Variants in DVL3 observed in about 807,000 individuals in gnomAD.
DVL3 encodes segment polarity protein dishevelled homolog DVL-3.
DVL3 carries 27 observed loss-of-function variants against 67.4 expected under a neutral mutation model. The ratio of observed to expected loss-of-function variants is 0.40; its 90% CI spans 0.30 to 0.55. DVL3 has a LOEUF of 0.55. DVL3 is among the 20% of genes least tolerant of loss of function. The pLI is 0.46. For synonymous variants in DVL3, 369 were observed against 396.8 expected, an observed-to-expected ratio of 0.93 and a Z score of 0.83; for missense variants, 819 against 1,021.5, an observed-to-expected ratio of 0.80 and a Z score of 2.70.
intron 1 of DVL3, chr3:184,156,827 G>A (rs185769324): frequency 1.0e-3 from 283 of 273,710 alleles, no homozygotes; most frequent in African/African-American, 6.0e-3. Flanking sequence ...GGTGGGGAAG[G>A]CCCCTCCAGG....
In DVL3 at chr3:184,165,234, G is replaced by A. The variant is rs201301351; in HGVS notation, c.693+28G>A. 8 of 1,569,830 alleles carry A rather than the reference G, an allele frequency of 5.1e-6. No individual in the cohort carries two copies. On this transcript the variant is annotated intron_variant, in intron 6 of 14. Transcript: ENST00000313143. The surrounding 1 kb of genome is among the most constrained non-coding windows in gnomAD (Gnocchi z 4.1). Reference sequence around the variant, plus strand: ...ATGGGGTCTGGGAGGCTAGGGATGGGTGGAGGCAGATTGTGAGCCCTTCCT... The same window carrying A: ...ATGGGGTCTGGGAGGCTAGGGATGGATGGAGGCAGATTGTGAGCCCTTCCT...
chr3:184,170,274 C>G lies in DVL3; in HGVS notation c.1715-45C>G. The G allele has an allele frequency of 6.3e-7, 1 of 1,596,368 alleles. No individual in the cohort carries two copies. The highest frequency in any genetic ancestry group is 8.5e-7 in the Non-Finnish European group (1 of 1,171,040). Reference sequence around the variant, plus strand: ...CTATAGGTGGGCCCCAGGCTTCCCCCGCCCGCTCAGCCTGCCCCACCCCGG... The same window carrying G: ...CTATAGGTGGGCCCCAGGCTTCCCCGGCCCGCTCAGCCTGCCCCACCCCGG... On this transcript the variant is annotated intron_variant, in intron 14 of 14. Coordinates refer to ENST00000313143, the MANE Select transcript of DVL3 (RefSeq NM_004423.4). The surrounding 1 kb of genome is among the most constrained non-coding windows in gnomAD (Gnocchi z 6.5).
rs1393353653 is a variant in DVL3, at chr3:184,166,999, G to A, written c.1198+24G>A. On this transcript the variant is annotated intron_variant, in intron 11 of 14. Coordinates refer to ENST00000313143, the MANE Select transcript of DVL3 (RefSeq NM_004423.4). This position sits in a 1 kb window ranked among gnomAD's most constrained non-coding sequence, Gnocchi z 6.7. ...GCGTGAGTGTCCCACCCTGTCTCCT[G>A]GGCCCAGCAGACAGGGCCAGGTGGG... 1 of 1,612,240 alleles carries A rather than the reference G, an allele frequency of 6.2e-7. No individual in the cohort carries two copies. Among genetic ancestry groups the A allele is most frequent in the Non-Finnish European group, 8.5e-7 (1 of 1,178,924 alleles).
At chr3:184,162,560 C>CTTTTTTTT (rs35869796) in intron 1 of DVL3, among the ~76,000 whole-genome samples, 15 of 123,540 alleles carry the variant, frequency 1.2e-4, no homozygotes, top group East Asian at 2.3e-4. Flanking sequence ...TTTTTCTTTT[C>CTTTTTTTT]TTTTTTTTTT....
intron 1 of DVL3, chr3:184,156,680 G>T: frequency 2.9e-6 from 1 of 341,152 alleles, no homozygotes; most frequent in Non-Finnish European, 5.8e-6. Flanking sequence ...GAGCCGGAAG[G>T]TTCTGAAGCA....
intron 1 of DVL3, chr3:184,156,732 C>T (rs1170339839): frequency 3.3e-6 from 1 of 302,012 alleles, no homozygotes; most frequent in Admixed American, 4.4e-5. Context: ...CCCCCTCGAA[C>T]CCCCCCAACT....
chr3:184,163,514 C>T lies in DVL3; in HGVS notation c.162-143C>T, dbSNP rs796800880. 1.5e-4 allele frequency: 123 copies of T among 826,042 alleles called. 1 individual carries two copies. In the African/African-American group the frequency reaches 1.5e-3, roughly 10 times the overall value. 51.2% of individuals were successfully genotyped at this position (826,042 alleles called of 1,614,324 possible). A position where few individuals can be genotyped will look rare whatever the true frequency, so the allele number is the denominator to read the frequency against. ...TGCCAAAGAGCTGTCTCTGGGTCTC[C>T]CCAACCTCTGCTTTCATTTGAACAG... On this transcript the variant is annotated intron_variant, in intron 1 of 14. Coordinates refer to ENST00000313143, the MANE Select transcript of DVL3 (RefSeq NM_004423.4). The surrounding 1 kb of genome is among the most constrained non-coding windows in gnomAD (Gnocchi z 4.5).
chr3:184,173,000 CCTTT>C lies in DVL3; in HGVS notation c.*2248_*2251del, dbSNP rs1244854143. The C allele has an allele frequency of 1.3e-5, 2 of 152,292 alleles. No homozygotes were observed. The highest frequency in any genetic ancestry group is 3.8e-4 in the East Asian group (2 of 5,200). 9.4% of individuals were successfully genotyped at this position (152,292 alleles called of 1,614,324 possible). ...TTCCATCTTTGATTCACTTCTCTTT[CCTTT>C]CTATTTACTCCCAAAATGGAGTCAT... On this transcript the variant is annotated 3_prime_UTR_variant, in exon 15 of 15. Coordinates refer to ENST00000313143, the MANE Select transcript of DVL3 (RefSeq NM_004423.4).
At position 184,166,026 on chromosome 3, in the gene DVL3, C is replaced by T. The variant is rs1714570587; in HGVS notation, c.764-100C>T. On this transcript the variant is annotated intron_variant, in intron 7 of 14. Transcript: ENST00000313143. The surrounding 1 kb of genome is among the most constrained non-coding windows in gnomAD (Gnocchi z 6.7). ...AGTGCAGTGCCTGATTCAGGATCAG[C>T]AAATGTCAGTTCAGTTCCTGTCCCT... 4 of 1,423,268 alleles carry T rather than the reference C, an allele frequency of 2.8e-6. No homozygotes were observed. The Admixed American group carries it at 6.4e-5, about 23-fold the overall frequency. 88.2% of individuals were successfully genotyped at this position (1,423,268 alleles called of 1,614,324 possible). A position where few individuals can be genotyped will look rare whatever the true frequency, so the allele number is the denominator to read the frequency against.
Position 184,165,220 on chromosome 3 carries a change from G to A in DVL3, c.693+14G>A. On this transcript the variant is annotated intron_variant, in intron 6 of 14. Transcript: ENST00000313143. The surrounding 1 kb of genome is among the most constrained non-coding windows in gnomAD (Gnocchi z 4.1). ...CGGATTGAGCGGGTATGGGGTCTGG[G>A]AGGCTAGGGATGGGTGGAGGCAGAT... 1 of 1,577,682 alleles carries A rather than the reference G, an allele frequency of 6.3e-7. No homozygotes were observed. Among genetic ancestry groups the A allele is most frequent in the Non-Finnish European group, 8.6e-7 (1 of 1,160,816 alleles).
chr3:184,164,455 A>C lies in DVL3; in HGVS notation c.354-37A>C. On this transcript the variant is annotated intron_variant, in intron 3 of 14. Transcript: ENST00000313143. This position sits in a 1 kb window ranked among gnomAD's most constrained non-coding sequence, Gnocchi z 5.3. ...CCCAGGGCTGGGGGAGGGAGCCCCC[A>C]GCCTGCCCCCTCCCCCATCAAGTCT... The C allele has an allele frequency of 6.3e-7, 1 of 1,598,738 alleles. No individual in the cohort carries two copies. The highest frequency in any genetic ancestry group is 1.1e-5 in the South Asian group (1 of 89,558).
Position 184,167,993 on chromosome 3 carries a change from T to C in DVL3, c.1426T>C (p.Phe476Leu). The change falls in exon 13 of 15, where the codon TTC (phenylalanine) becomes CTC (leucine). Residue 476 changes from phenylalanine (F) to leucine (L), a missense_variant. By Grantham distance (22) the Phe-to-Leu change is conservative. Coordinates refer to ENST00000313143, the MANE Select transcript of DVL3 (RefSeq NM_004423.4). The surrounding 1 kb of genome is among the most constrained non-coding windows in gnomAD (Gnocchi z 4.6). ...KYASNLLKAG[F>L]IRHTVNKITF... Reference sequence around the variant, plus strand: ...TGCCAGCAACCTGCTGAAAGCTGGCTTCATCCGCCATACCGTCAACAAGAT... The same window carrying C: ...TGCCAGCAACCTGCTGAAAGCTGGCCTCATCCGCCATACCGTCAACAAGAT... 1 of 1,614,268 alleles carries C rather than the reference T, an allele frequency of 6.2e-7. No homozygotes were observed.
chr3:184,169,421 G>A (rs1167231264), intron 13 of DVL3, among the ~76,000 whole-genome samples: 1 of 152,202 alleles, frequency 6.6e-6, no homozygotes, highest in Admixed American at 6.5e-5. Flanking sequence ...CAGGCCGGGC[G>A]CAGTGGCTCG....
rs974374425 is a variant in DVL3 at position 184,166,982 on chromosome 3, G to C, written c.1198+7G>C. 1 of 1,613,644 alleles carries C rather than the reference G, an allele frequency of 6.2e-7. No individual in the cohort carries two copies. The highest frequency in any genetic ancestry group is 8.5e-7 in the Non-Finnish European group (1 of 1,179,770). On this transcript the variant is annotated splice_region_variant and intron_variant, in intron 11 of 14. Transcript: ENST00000313143. This position sits in a 1 kb window ranked among gnomAD's most constrained non-coding sequence, Gnocchi z 6.7. ...TCCATCCCTGACACAGAGCGTGAGTGTCCCACCCTGTCTCCTGGGCCCAGC... is the reference window on the plus strand; with the variant it reads ...TCCATCCCTGACACAGAGCGTGAGTCTCCCACCCTGTCTCCTGGGCCCAGC...
In DVL3 at chr3:184,170,293, A is replaced by T. The variant is rs779662592; in HGVS notation, c.1715-26A>T. ...TTCCCCCGCCCGCTCAGCCTGCCCCACCCCGGCCCTGTTTGCCTCCTACAG... is the reference window on the plus strand; with the variant it reads ...TTCCCCCGCCCGCTCAGCCTGCCCCTCCCCGGCCCTGTTTGCCTCCTACAG... On this transcript the variant is annotated intron_variant, in intron 14 of 14. Coordinates refer to ENST00000313143, the MANE Select transcript of DVL3 (RefSeq NM_004423.4). This position sits in a 1 kb window ranked among gnomAD's most constrained non-coding sequence, Gnocchi z 6.5. 3 of 1,589,576 alleles carry T rather than the reference A, an allele frequency of 1.9e-6. No homozygotes were observed. In the African/African-American group the frequency reaches 4.0e-5, roughly 21 times the overall value.
At chr3:184,169,822 G>A (rs1714740496) in intron 13 of DVL3, among the ~76,000 whole-genome samples, 184 bp from the exon 14 acceptor site, 1 of 152,206 alleles carries the variant, frequency 6.6e-6, no homozygotes, top group Admixed American at 6.5e-5. Flanking sequence ...CCTGAGAAGG[G>A]TCTCCCCGGG....
rs1455788271 is a variant in DVL3, at chr3:184,166,794, G to A, written c.1049-32G>A. On this transcript the variant is annotated intron_variant, in intron 10 of 14. Coordinates refer to ENST00000313143, the MANE Select transcript of DVL3 (RefSeq NM_004423.4). The surrounding 1 kb of genome is among the most constrained non-coding windows in gnomAD (Gnocchi z 6.7). ...TGTTGGGCCCAGCAGTGGGTGGGGT[G>A]GGTAGCCCATGACTCCTCATCCTCC... The A allele has an allele frequency of 3.1e-6, 5 of 1,613,574 alleles. No homozygotes were observed. Among genetic ancestry groups the A allele is most frequent in the South Asian group, 1.1e-5 (1 of 91,038 alleles).
chr3:184,162,409 C>T (rs1714412774), intron 1 of DVL3, among the ~76,000 whole-genome samples: 1 of 152,106 alleles, frequency 6.6e-6, no homozygotes, highest in Admixed American at 6.6e-5. Context: ...GGTCTCAAAA[C>T]TCCTGGCCTC....
Position 184,164,121 on chromosome 3 carries a change from T to G in DVL3, c.232-146T>G. 1 of 1,020,378 alleles carries G rather than the reference T, an allele frequency of 9.8e-7. No individual in the cohort carries two copies. The highest frequency in any genetic ancestry group is 1.6e-5 in the African/African-American group (1 of 62,038). 63.2% of individuals were successfully genotyped at this position (1,020,378 alleles called of 1,614,324 possible). The stretch of plus-strand genomic sequence containing the variant: ...AGTGGCAGAGGGGCCACTGTTCATC[T>G]CAGCCACCCTCGCACAGCCCTGTCT... On this transcript the variant is annotated intron_variant, in intron 2 of 14. Transcript: ENST00000313143. This position sits in a 1 kb window ranked among gnomAD's most constrained non-coding sequence, Gnocchi z 5.3.
Sources: allele counts gnomAD v4.1 joint callset (sites outside exome capture counted in the v4.1 genomes callset), GRCh38; gene constraint gnomAD v4.1.1; non-coding constraint Gnocchi (gnomAD v3.1); transcripts MANE v1.5; gene names NCBI Gene and HGNC (gene_info 2026-07-23, HGNC 2026-07-21).